Variants in CNTN1 observed in about 807,000 individuals in gnomAD.
CNTN1 encodes contactin 1, also known as contactin-1.
Under a neutral mutation model 126.4 loss-of-function variants are expected in CNTN1, and 38 were observed. The observed-to-expected ratio is 0.30, with a 90% CI of 0.23 to 0.39. The LOEUF (loss-of-function observed/expected upper bound fraction) is 0.39, where lower values mean the gene tolerates loss of function less well. Ranked by LOEUF, CNTN1 falls within the 10% of genes least tolerant of loss-of-function variation. The pLI, the probability that CNTN1 is intolerant of heterozygous loss-of-function variation, is 1.00. For missense variants in CNTN1, 1,009 were observed against 1,248.4 expected (o/e 0.81, Z 2.89); for synonymous variants, 413 against 422.6 (o/e 0.98, Z 0.28).
At chr12:40,968,324 A>C (rs944062419) in intron 15 of CNTN1, among the ~76,000 whole-genome samples, 8 of 152,178 alleles carry the variant, frequency 5.3e-5, no homozygotes, top group African/African-American at 1.9e-4. Context: ...TGTCACTGAT[A>C]CTGATCTTGC....
intron 16 of CNTN1, among the ~76,000 whole-genome samples, chr12:40,987,694 G>A (rs1167964789): frequency 2.0e-5 from 3 of 152,076 alleles, no homozygotes; most frequent in Non-Finnish European, 1.5e-5. Flanking sequence ...TAACATCTTT[G>A]CACATAAATG....
chr12:40,997,533 G>A lies in CNTN1; in HGVS notation c.2113+4264G>A, dbSNP rs79817628. Among the ~76,000 whole-genome samples the A allele has an allele frequency of 2.1e-3, 317 of 152,208 alleles. 1 individual carries two copies. The highest frequency in any genetic ancestry group is 7.2e-3 in the African/African-American group (298 of 41,514). Reference sequence around the variant, plus strand: ...AAGAAAATATTTTATAGCTGGTAAGGTACTATGTGATGTTAGTTGCTGTCA... The same window carrying A: ...AAGAAAATATTTTATAGCTGGTAAGATACTATGTGATGTTAGTTGCTGTCA... On this transcript the variant is annotated intron_variant, in intron 17 of 23. Transcript: ENST00000551295.
chr12:41,048,837 A>G (rs964730005), intron 23 of CNTN1, among the ~76,000 whole-genome samples: 2 of 152,174 alleles, frequency 1.3e-5, no homozygotes, highest in Admixed American at 6.6e-5. Flanking sequence ...CCAGTAACTA[A>G]CGCATGTTCT....
chr12:41,036,317 G>C (rs1448749886), intron 23 of CNTN1, among the ~76,000 whole-genome samples: 2 of 152,086 alleles, frequency 1.3e-5, no homozygotes, highest in African/African-American at 2.4e-5. Context: ...ATGCAGGAGG[G>C]CATTGAGAGC....
At chr12:41,028,025 C>T (rs278908) in intron 22 of CNTN1, 56 bp downstream of exon 22, 1 of 1,256,786 alleles carries the variant, frequency 8.0e-7, no homozygotes, top group Admixed American at 1.7e-5. Flanking sequence ...CAGTGAAACC[C>T]AAGATGGGTT....
chr12:40,939,328 T>A lies in CNTN1; in HGVS notation c.1229-7T>A, dbSNP rs771821642. 2 of 1,613,542 alleles carry A rather than the reference T, an allele frequency of 1.2e-6. No homozygotes were observed. Among genetic ancestry groups the A allele is most frequent in the East Asian group, 4.5e-5 (2 of 44,842 alleles). On this transcript the variant is annotated splice_polypyrimidine_tract_variant and splice_region_variant and intron_variant, in intron 11 of 23. Transcript: ENST00000551295. Reference sequence around the variant, plus strand: ...AAGAGAAAGATAACAATTTGTTTTCTTTTTAGCGTTGGCTCCAACTTTTGA... The same window carrying A: ...AAGAGAAAGATAACAATTTGTTTTCATTTTAGCGTTGGCTCCAACTTTTGA...
At chr12:41,040,282 G>A (rs1949369186) in intron 23 of CNTN1, among the ~76,000 whole-genome samples, 1 of 152,082 alleles carries the variant, frequency 6.6e-6, no homozygotes, top group Admixed American at 6.6e-5. Context: ...TTCATGGCTG[G>A]TCTGTGATTG....
chr12:41,000,847 T>C (rs537719849), intron 17 of CNTN1, among the ~76,000 whole-genome samples: 2 of 152,294 alleles, frequency 1.3e-5, no homozygotes, highest in Admixed American at 1.3e-4. Context: ...GGTGTTCTCA[T>C]CATTTAGCCT....
At chr12:40,874,516 C>A (rs1225197799) in intron 1 of CNTN1, among the ~76,000 whole-genome samples, 2 of 151,946 alleles carry the variant, frequency 1.3e-5, no homozygotes, top group East Asian at 3.9e-4. Context: ...TATATAGAAA[C>A]ATTTTCAAAT....
chr12:40,849,635 G>A (rs74514433), intron 1 of CNTN1, among the ~76,000 whole-genome samples: 15,036 of 151,998 alleles, frequency 0.099, 882 homozygotes, highest in Non-Finnish European at 0.13. Flanking sequence ...TTTCTATTAA[G>A]GGGACTGAGT....
chr12:40,862,419 T>C (rs1042763845), intron 1 of CNTN1, among the ~76,000 whole-genome samples: 5 of 152,094 alleles, frequency 3.3e-5, no homozygotes, highest in African/African-American at 1.2e-4. Flanking sequence ...CTTTATGGGG[T>C]TTACAGAGGT....
At chr12:41,023,448 A>G (rs79115268) in intron 20 of CNTN1, among the ~76,000 whole-genome samples, 11 of 152,320 alleles carry the variant, frequency 7.2e-5, no homozygotes, top group African/African-American at 2.6e-4. Flanking sequence ...GAGTTTTTCT[A>G]TAGTGTAGGT....
chr12:40,951,851 T>C (rs949283023), intron 14 of CNTN1, among the ~76,000 whole-genome samples: 1 of 152,090 alleles, frequency 6.6e-6, no homozygotes, highest in African/African-American at 2.4e-5. Flanking sequence ...TTGAGTAGTA[T>C]TGATATCATA....
chr12:41,014,376 A>G (rs1948733918), intron 18 of CNTN1, 78 bp downstream of exon 18: 2 of 1,450,394 alleles, frequency 1.4e-6, no homozygotes, highest in Non-Finnish European at 1.9e-6. Flanking sequence ...TTCCTGAAAT[A>G]AATTGAGATG....
intron 1 of CNTN1, among the ~76,000 whole-genome samples, chr12:40,793,141 T>G (rs1202903116): frequency 6.6e-6 from 1 of 152,120 alleles, no homozygotes; most frequent in Non-Finnish European, 1.5e-5. Flanking sequence ...TGAGGGCTGC[T>G]ACCTGTGAGG....
intron 15 of CNTN1, among the ~76,000 whole-genome samples, chr12:40,969,172 T>C (rs1395648955): frequency 6.6e-6 from 1 of 152,146 alleles, no homozygotes; most frequent in Non-Finnish European, 1.5e-5. Flanking sequence ...CCATTTCCAG[T>C]CTCGTGACTA....
intron 20 of CNTN1, among the ~76,000 whole-genome samples, chr12:41,024,424 A>C (rs1045612038): frequency 1.3e-5 from 2 of 152,118 alleles, no homozygotes; most frequent in Non-Finnish European, 2.9e-5. Context: ...CCTTTATTTA[A>C]AGATGAAAAT....
At chr12:40,899,520 A>C (rs1298523730) in intron 1 of CNTN1, among the ~76,000 whole-genome samples, 2 of 152,218 alleles carry the variant, frequency 1.3e-5, no homozygotes, top group Non-Finnish European at 2.9e-5. Context: ...CATAGACATA[A>C]TTTTAAGAGA....
intron 1 of CNTN1, among the ~76,000 whole-genome samples, chr12:40,767,124 TATATTTTTA>T (rs1193068326): frequency 1.3e-5 from 2 of 152,076 alleles, no homozygotes; most frequent in Non-Finnish European, 2.9e-5. Context: ...CAAGGAAATA[TATATTTTTA>T]ATATGATCAA....
Sources: gnomAD v4.1 joint callset for allele counts (sites outside exome capture counted in the v4.1 genomes callset) on GRCh38, gnomAD v4.1.1 for gene constraint, MANE v1.5 for transcripts, NCBI Gene and HGNC (gene_info 2026-07-23, HGNC 2026-07-21) for gene names.